UEVLD: variants seen among roughly 807,000 people sequenced by gnomAD.
UEVLD encodes UEV and lactate/malate dehyrogenase domains.
A neutral mutation model predicts 58.6 loss-of-function variants in UEVLD; 47 were observed. The observed-to-expected ratio is 0.80, with a 90% CI of 0.63 to 1.02. UEVLD has a LOEUF of 1.02. Ranked by LOEUF, UEVLD falls within the 50% of genes least tolerant of loss-of-function variation. The probability of loss-of-function intolerance (pLI) is 0.00; values close to 1 mark genes in which losing one functional copy is unlikely to be tolerated. For synonymous variants in UEVLD, 197 were observed against 195.3 expected (o/e 1.01, Z -0.07); for missense variants, 510 against 550.6 (o/e 0.93, Z 0.74).
chr11:18,532,606 A>T, intron 11 of UEVLD, 119 bp from the exon 12 acceptor site: 1 of 815,706 alleles, frequency 1.2e-6, no homozygotes. Context: ...GACTTAAAAA[A>T]ATTTTTTTGT....
At chr11:18,536,931 T>C (rs1437139931) in intron 9 of UEVLD, among the ~76,000 whole-genome samples, 1 of 146,476 alleles carries the variant, frequency 6.8e-6, no homozygotes, top group Non-Finnish European at 1.5e-5. Context: ...AGTCTTGCTC[T>C]GTCGCCCAGG....
chr11:18,536,425 G>A lies in UEVLD; in HGVS notation c.1105C>T (p.Gln369Ter), dbSNP rs867223747. 2 of 1,613,862 alleles carry A rather than the reference G, an allele frequency of 1.2e-6. No individual in the cohort carries two copies. Among genetic ancestry groups the A allele is most frequent in the African/African-American group, 1.3e-5 (1 of 75,044 alleles). Residue 369 changes from glutamine to a stop codon, truncating the protein, a stop_gained, in exon 10 of 12, where the codon CAA becomes TAA. Coordinates refer to ENST00000396197, the MANE Select transcript of UEVLD (RefSeq NM_001040697.4). LOFTEE classifies it high-confidence loss of function. ...TGTTACCTGTTGGACAGCTGCACTT[G>A]AGAGGTATGACTCACTACTTCTTCT... Reference protein sequence around the residue: ...GQEEVVSHTSQVQLSNRAMEL... With the variant: ...GQEEVVSHTS
chr11:18,583,222 CTTTT>C (rs10540605), intron 1 of UEVLD, among the ~76,000 whole-genome samples: 8 of 122,212 alleles, frequency 6.5e-5, no homozygotes, highest in Middle Eastern at 4.8e-3. Flanking sequence ...TTGTGCCCAG[CTTTT>C]TTTTTTTTTT....
rs533455886 is a variant in UEVLD, at chr11:18,573,768, G to T, written c.193+1579C>A. 2.0e-5 allele frequency among the ~76,000 whole-genome samples: 3 copies of T among 152,282 alleles called. No individual in the cohort carries two copies. In the East Asian group the frequency reaches 5.8e-4, roughly 29 times the overall value. On this transcript the variant is annotated intron_variant, in intron 3 of 11. Coordinates refer to ENST00000396197, the MANE Select transcript of UEVLD (RefSeq NM_001040697.4). Reference sequence around the variant, plus strand: ...AGCAACAAGTCATGACTGGGGGTGGGGAGTGGGGAATTAAGGGGGTTTGTG... The same window carrying T: ...AGCAACAAGTCATGACTGGGGGTGGTGAGTGGGGAATTAAGGGGGTTTGTG...
At chr11:18,541,208 A>T (rs1448066414) in intron 9 of UEVLD, among the ~76,000 whole-genome samples, 4 of 152,346 alleles carry the variant, frequency 2.6e-5, no homozygotes, top group Admixed American at 2.6e-4. Flanking sequence ...TATATCAACT[A>T]TTCCTCAAAA....
Position 18,532,345 on chromosome 11 carries a change from C to A in UEVLD, c.1391G>T (p.Ser464Ile). Residue 464 changes from serine (S) to isoleucine (I), a missense_variant, in exon 12 of 12, where the codon AGT becomes ATT. By Grantham distance (142) the Ser-to-Ile change is moderately radical. Coordinates refer to ENST00000396197, the MANE Select transcript of UEVLD (RefSeq NM_001040697.4). ...KLQSSASSIH[S>I]LQQQLKL ...TCAAAGTTTTAACTGTTGTTGGAGACTGTGGATTGAGGATGCACTGCTTTG... is the reference window on the plus strand; with the variant it reads ...TCAAAGTTTTAACTGTTGTTGGAGAATGTGGATTGAGGATGCACTGCTTTG... 6.2e-7 allele frequency: 1 copy of A among 1,610,150 alleles called. No individual in the cohort carries two copies. The highest frequency in any genetic ancestry group is 8.5e-7 in the Non-Finnish European group (1 of 1,178,666).
intron 7 of UEVLD, among the ~76,000 whole-genome samples, chr11:18,550,404 T>G (rs944878374): frequency 1.3e-5 from 2 of 151,892 alleles, no homozygotes; most frequent in African/African-American, 4.8e-5. Flanking sequence ...AAATTCTCAC[T>G]GCACTCACCA....
At chr11:18,574,032 A>G (rs912556478) in intron 3 of UEVLD, among the ~76,000 whole-genome samples, 2 of 152,208 alleles carry the variant, frequency 1.3e-5, no homozygotes, top group Non-Finnish European at 2.9e-5. Flanking sequence ...TTCAGTCAAT[A>G]ATCAAACTAA....
At chr11:18,533,275 C>T (rs1399921389) in intron 11 of UEVLD, among the ~76,000 whole-genome samples, 3 of 151,626 alleles carry the variant, frequency 2.0e-5, no homozygotes, top group South Asian at 2.1e-4. Flanking sequence ...GAATTTATTC[C>T]TATCTATTTT....
chr11:18,553,026 G>A (rs889724303), intron 7 of UEVLD, among the ~76,000 whole-genome samples: 1 of 151,788 alleles, frequency 6.6e-6, no homozygotes, highest in Non-Finnish European at 1.5e-5. Context: ...ATGGTGGCAT[G>A]CGCCTATAGT....
In UEVLD at chr11:18,532,394, CT is replaced by C. The variant is rs137861180; in HGVS notation, c.1341del (p.Glu448LysfsTer22). The C allele has an allele frequency of 4.7e-4, 755 of 1,613,622 alleles. 3 individuals carry two copies. The East Asian group carries it at 7.0e-3, about 15-fold the overall frequency. Reference sequence around the variant, plus strand: ...TGGAGTTTCTCAGTAACTGTATCTTCTTTCAGTGTGGTTTTGATAACTTCAG... The same window carrying C: ...TGGAGTTTCTCAGTAACTGTATCTTCTTCAGTGTGGTTTTGATAACTTCAG... ...GVSEVIKTTL[K>X]EDTVTEKLQS... On this transcript the variant is annotated frameshift_variant, in exon 12 of 12. Coordinates refer to ENST00000396197, the MANE Select transcript of UEVLD (RefSeq NM_001040697.4). LOFTEE classifies it high-confidence loss of function.
At chr11:18,580,035 CTTTTTTT>C (rs140542993) in intron 1 of UEVLD, among the ~76,000 whole-genome samples, 22 of 85,438 alleles carry the variant, frequency 2.6e-4, no homozygotes, top group African/African-American at 6.9e-4. Context: ...TCCCAGCTGG[CTTTTTTT>C]TTTTTTTTTT....
At chr11:18,556,149 C>A (rs1851748729) in intron 7 of UEVLD, among the ~76,000 whole-genome samples, 1 of 152,186 alleles carries the variant, frequency 6.6e-6, no homozygotes. Context: ...TGATGAGACA[C>A]ACAGGAAGAA....
intron 7 of UEVLD, among the ~76,000 whole-genome samples, chr11:18,555,580 A>G (rs963318973): frequency 3.3e-5 from 5 of 151,936 alleles, no homozygotes; most frequent in African/African-American, 1.2e-4. Context: ...AGAGTGAGAC[A>G]CTGTCTAAAA....
intron 9 of UEVLD, among the ~76,000 whole-genome samples, chr11:18,538,549 G>C (rs1033764584): frequency 6.6e-6 from 1 of 151,482 alleles, no homozygotes; most frequent in Non-Finnish European, 1.5e-5. Flanking sequence ...CTGACCTCAA[G>C]TGATCCACCC....
In UEVLD at chr11:18,558,295, T is replaced by C. The variant is rs1851853247; in HGVS notation, c.648A>G (p.Ser216=). 2.5e-6 allele frequency: 4 copies of C among 1,613,394 alleles called. No homozygotes were observed. The highest frequency in any genetic ancestry group is 3.4e-6 in the Non-Finnish European group (4 of 1,179,692). ...CCATCGTGGCTCCTTTAGTCCCTTCTGAGAGGTCTAAGAGGACAAGCCTGT... is the reference window on the plus strand; with the variant it reads ...CCATCGTGGCTCCTTTAGTCCCTTCCGAGAGGTCTAAGAGGACAAGCCTGT... ...IADRLVLLDL[S]EGTKGATMDL... The change falls in exon 7 of 12, where the codon TCA becomes TCG. Residue 216 remains serine (S), a synonymous_variant. Transcript: ENST00000396197.
chr11:18,566,473 C>A lies in UEVLD; in HGVS notation c.367G>T (p.Val123Phe). 1.2e-6 allele frequency: 2 copies of A among 1,613,648 alleles called. No individual in the cohort carries two copies. Among genetic ancestry groups the A allele is most frequent in the African/African-American group, 1.3e-5 (1 of 75,006 alleles). ...ATTTCTTTAATTAATCCAACAATGA[C>A]AGATTTAGGCTGTAGAATACACAAA... ...YLQNWSHPKS[V>F]IVGLIKEMIA... The change falls in exon 5 of 12, where the codon GTC becomes TTC. Residue 123 changes from valine (V) to phenylalanine (F), a missense_variant. By Grantham distance (50) the Val-to-Phe change is conservative. Transcript: ENST00000396197.
rs777634892 is a variant in UEVLD, at chr11:18,578,759, A to T, written c.92T>A (p.Phe31Tyr). The change falls in exon 2 of 12, where the codon TTT becomes TAT. Residue 31 changes from phenylalanine (F) to tyrosine (Y), a missense_variant. Physicochemically the swap from Phe to Tyr is conservative, Grantham distance 22. Coordinates refer to ENST00000396197, the MANE Select transcript of UEVLD (RefSeq NM_001040697.4). ...CATGGAATATTTGAAATGTGGGAAA[A>T]ATACATTTACATTCCTTAGTTCTTC... is the stretch of plus-strand genomic sequence containing the variant. ...TVEELRNVNV[F>Y]FPHFKYSMDT... The T allele has an allele frequency of 6.2e-7, 1 of 1,608,552 alleles. No homozygotes were observed. The highest frequency in any genetic ancestry group is 8.5e-7 in the Non-Finnish European group (1 of 1,177,424).
chr11:18,551,095 A>G (rs1851506392), intron 7 of UEVLD, among the ~76,000 whole-genome samples: 2 of 152,176 alleles, frequency 1.3e-5, no homozygotes, highest in South Asian at 4.1e-4. Flanking sequence ...ATTAGAAAGA[A>G]CTTTAAGCAT....
Sources: gnomAD v4.1 joint callset for allele counts (sites outside exome capture counted in the v4.1 genomes callset) on GRCh38, gnomAD v4.1.1 for gene constraint, MANE v1.5 for transcripts, NCBI Gene and HGNC (gene_info 2026-07-23, HGNC 2026-07-21) for gene names.